The following KALRN variants were observed in gnomAD, a reference collection of about 807,000 sequenced individuals.
KALRN encodes the protein kalirin RhoGEF kinase.
KALRN carries 70 observed loss-of-function variants against 353.7 expected under a neutral mutation model. That is an observed-to-expected ratio of 0.20 (90% CI 0.16 to 0.24). The LOEUF (loss-of-function observed/expected upper bound fraction) is 0.24. Among genes scored for constraint, KALRN ranks in the 10% least tolerant of loss-of-function variants. The pLI, the probability that KALRN is intolerant of heterozygous loss-of-function variation, is 1.00. For missense variants in KALRN, 2,791 were observed against 3,756.7 expected (o/e 0.74, Z 6.72); for synonymous variants, 1,391 against 1,434.8 (o/e 0.97, Z 0.69).
intron 1 of KALRN, among the ~76,000 whole-genome samples, chr3:124,113,250 G>A (rs2063157618): frequency 6.6e-6 from 1 of 152,158 alleles, no homozygotes. Flanking sequence ...AATATCCTAT[G>A]TTTACCTTAT....
chr3:124,259,586 G>GC (rs2072551767), intron 3 of KALRN, among the ~76,000 whole-genome samples: 1 of 152,156 alleles, frequency 6.6e-6, no homozygotes, highest in African/African-American at 2.4e-5. Flanking sequence ...AAATGATGGG[G>GC]CCAGTATTCA....
At chr3:124,154,594 G>A (rs1578709282) in intron 1 of KALRN, among the ~76,000 whole-genome samples, 1 of 152,176 alleles carries the variant, frequency 6.6e-6, no homozygotes, top group East Asian at 1.9e-4. Flanking sequence ...ACAAATCACT[G>A]CTCAATGAAA....
intron 1 of KALRN, among the ~76,000 whole-genome samples, chr3:124,154,797 C>T (rs908200982): frequency 6.6e-5 from 10 of 152,122 alleles, no homozygotes; most frequent in Middle Eastern, 3.4e-3. Context: ...GAGCCCGCAT[C>T]GCCAAGTCAA....
chr3:124,678,391 G>A (rs1011537989), intron 50 of KALRN, 78 bp downstream of exon 50: 72 of 1,518,384 alleles, frequency 4.7e-5, no homozygotes, highest in East Asian at 3.5e-4. Flanking sequence ...GCCAATTTGG[G>A]TGGATGGGTT....
At chr3:124,094,618 C>G in intron 1 of KALRN, 1 of 596,960 alleles carries the variant, frequency 1.7e-6, no homozygotes, top group South Asian at 1.9e-5. Flanking sequence ...GGTCTGCACA[C>G]GGCGTTGTTC....
intron 28 of KALRN, among the ~76,000 whole-genome samples, chr3:124,483,928 A>G (rs1252922031): frequency 6.6e-6 from 1 of 152,252 alleles, no homozygotes; most frequent in Non-Finnish European, 1.5e-5. Context: ...GGGAATTGAC[A>G]CAAGTAGTTA....
chr3:124,602,309 T>A (rs2076891846), intron 34 of KALRN, among the ~76,000 whole-genome samples: 1 of 152,120 alleles, frequency 6.6e-6, no homozygotes, highest in Non-Finnish European at 1.5e-5. Context: ...CATCCTTGAG[T>A]TAACGATCCA....
intron 5 of KALRN, among the ~76,000 whole-genome samples, chr3:124,279,934 G>A (rs893625422): frequency 1.3e-5 from 2 of 152,208 alleles, no homozygotes; most frequent in Non-Finnish European, 2.9e-5. Context: ...GCCTCAAAAT[G>A]CAGGCTGGAT....
At position 124,477,348 on chromosome 3, in the gene KALRN, TC is replaced by T. The variant is rs767686447; in HGVS notation, c.4191+16del. 6.3e-7 allele frequency: 1 copy of T among 1,595,108 alleles called. No individual in the cohort carries two copies. The highest frequency in any genetic ancestry group is 1.1e-5 in the South Asian group (1 of 90,458). ...ACCTTCTTTGATGTAAGCTGTGTTT[TC>T]CATTCTTGAGCAGCTGATGAGCAGG... On this transcript the variant is annotated intron_variant, in intron 27 of 59. Transcript: ENST00000682506.
chr3:124,424,242 A>G (rs2150377732), intron 15 of KALRN, among the ~76,000 whole-genome samples: 1 of 152,006 alleles, frequency 6.6e-6, no homozygotes. Flanking sequence ...TAAGCAAAAA[A>G]CCATCTTTCT....
intron 21 of KALRN, among the ~76,000 whole-genome samples, chr3:124,447,579 G>A (rs377365335): frequency 6.6e-6 from 1 of 152,110 alleles, no homozygotes. Flanking sequence ...TCTCTCACAC[G>A]GGGCTCCTTG....
At chr3:124,239,325 A>G (rs1036716070) in intron 3 of KALRN, among the ~76,000 whole-genome samples, 28 of 152,210 alleles carry the variant, frequency 1.8e-4, no homozygotes, top group African/African-American at 6.0e-4. Flanking sequence ...TCTAAGCACT[A>G]CATCTAGTAA....
intron 1 of KALRN, among the ~76,000 whole-genome samples, chr3:124,191,125 T>C (rs746225134): frequency 1.6e-4 from 24 of 152,342 alleles, no homozygotes; most frequent in Non-Finnish European, 2.5e-4. Flanking sequence ...GGGCAAGGCA[T>C]GTGGGAAATA....
intron 1 of KALRN, among the ~76,000 whole-genome samples, chr3:124,208,139 C>T (rs1405617197): frequency 6.6e-6 from 1 of 152,234 alleles, no homozygotes; most frequent in Non-Finnish European, 1.5e-5. Flanking sequence ...CGCTTGAGGA[C>T]CTGCGCTTTC....
At chr3:124,518,519 A>G (rs2066884521) in intron 33 of KALRN, 1 of 1,611,960 alleles carries the variant, frequency 6.2e-7, no homozygotes, top group East Asian at 2.2e-5. Flanking sequence ...CACCGTTGGG[A>G]CCTCCCACCA....
At chr3:124,575,560 G>A (rs1056456437) in intron 34 of KALRN, among the ~76,000 whole-genome samples, 10 of 152,222 alleles carry the variant, frequency 6.6e-5, no homozygotes, top group Admixed American at 3.3e-4. Context: ...ACTCATTATC[G>A]TACAGTTCTG....
chr3:124,688,475 G>T (rs1286572479), intron 51 of KALRN, among the ~76,000 whole-genome samples: 3 of 151,998 alleles, frequency 2.0e-5, no homozygotes, highest in African/African-American at 7.3e-5. Flanking sequence ...TTTATTGCTA[G>T]ATCTCATCAT....
At chr3:124,428,414 A>G (rs1212206453) in intron 15 of KALRN, among the ~76,000 whole-genome samples, 1 of 152,176 alleles carries the variant, frequency 6.6e-6, no homozygotes, top group Middle Eastern at 3.2e-3. Context: ...CAACCCTGCA[A>G]TGCAGAAAGG....
chr3:124,666,749 C>T lies in KALRN; in HGVS notation c.6531+115C>T, dbSNP rs904233394. 63 of 871,254 alleles carry T rather than the reference C, an allele frequency of 7.2e-5. No homozygotes were observed. In the East Asian group the frequency reaches 1.3e-3, roughly 19 times the overall value. The allele number at this position is 871,254 out of a possible 1,614,324, so 54.0% of individuals were successfully genotyped here. ...TCCAGAACCGTGAAGATCTTTCAGC[C>T]GAATAACATTCGGTCATGGAGGCTG... On this transcript the variant is annotated intron_variant, in intron 46 of 59. Coordinates refer to ENST00000682506, the MANE Select transcript of KALRN (RefSeq NM_001388419.1).
Sources: allele counts gnomAD v4.1 joint callset (sites outside exome capture counted in the v4.1 genomes callset), GRCh38; gene constraint gnomAD v4.1.1; transcripts MANE v1.5; gene names NCBI Gene and HGNC (gene_info 2026-07-23, HGNC 2026-07-21).